The following ADGRA3 variants were observed in gnomAD, a reference collection of about 807,000 sequenced individuals.
ADGRA3 encodes the protein adhesion G protein-coupled receptor A3, also known as G-protein coupled receptor 125.
In ADGRA3, 56 loss-of-function variants were observed where a neutral mutation model predicts 119.8. The observed-to-expected ratio is 0.47, with a 90% CI of 0.38 to 0.58. The LOEUF (loss-of-function observed/expected upper bound fraction) is 0.58, where lower values mean the gene tolerates loss of function less well. Among genes scored for constraint, ADGRA3 ranks in the 20% least tolerant of loss-of-function variants. ADGRA3 has a pLI of 0.00. For missense variants in ADGRA3, 1,516 were observed against 1,649.0 expected (o/e 0.92, Z 1.40); for synonymous variants, 607 against 623.8 (o/e 0.97, Z 0.40).
chr4:22,499,570 T>C (rs757115175), intron 1 of ADGRA3, among the ~76,000 whole-genome samples: 10 of 152,176 alleles, frequency 6.6e-5, no homozygotes, highest in Admixed American at 1.3e-4. Flanking sequence ...TATGAATTCA[T>C]GTCACTTCAG....
At chr4:22,495,580 G>A (rs929321086) in intron 1 of ADGRA3, among the ~76,000 whole-genome samples, 1 of 152,038 alleles carries the variant, frequency 6.6e-6, no homozygotes, top group Non-Finnish European at 1.5e-5. Flanking sequence ...AGAAAGCAAA[G>A]TAATTGATCA....
intron 14 of ADGRA3, 146 bp from the exon 15 acceptor site, chr4:22,402,945 A>G: frequency 1.3e-6 from 1 of 748,812 alleles, no homozygotes; most frequent in East Asian, 2.8e-5. Context: ...GTTTCACGCT[A>G]TTTTCCTAAC....
intron 2 of ADGRA3, among the ~76,000 whole-genome samples, chr4:22,471,411 T>A (rs746115177): frequency 3.9e-5 from 6 of 152,084 alleles, no homozygotes; most frequent in Non-Finnish European, 8.8e-5. Context: ...CAAACCCTCA[T>A]GACACGTAAC....
intron 14 of ADGRA3, 87 bp downstream of exon 14, chr4:22,413,095 A>AAC: frequency 9.4e-7 from 1 of 1,069,172 alleles, no homozygotes. Flanking sequence ...AAAAAAACAA[A>AAC]AAACAAAAAA....
chr4:22,418,868 A>C (rs1263924514), intron 12 of ADGRA3, among the ~76,000 whole-genome samples: 2 of 152,138 alleles, frequency 1.3e-5, no homozygotes, highest in South Asian at 2.1e-4. Flanking sequence ...CCAACAGAAG[A>C]AGCAGGAGGG....
intron 14 of ADGRA3, among the ~76,000 whole-genome samples, chr4:22,405,101 G>C (rs1209244113): frequency 6.6e-6 from 1 of 152,174 alleles, no homozygotes; most frequent in African/African-American, 2.4e-5. Context: ...AGAAGGGGTA[G>C]AAGAAAGGTG....
chr4:22,414,385 G>A, intron 12 of ADGRA3: 1 of 449,992 alleles, frequency 2.2e-6, no homozygotes, highest in Non-Finnish European at 3.9e-6. Flanking sequence ...ATAACACATA[G>A]GAACAACTGA....
chr4:22,418,022 C>T (rs1715497241), intron 12 of ADGRA3, among the ~76,000 whole-genome samples: 1 of 152,182 alleles, frequency 6.6e-6, no homozygotes, highest in Admixed American at 6.5e-5. Context: ...GAACTCAAAA[C>T]ACCAGCTTAT....
At chr4:22,507,429 A>G (rs1560352511) in intron 1 of ADGRA3, among the ~76,000 whole-genome samples, 1 of 152,186 alleles carries the variant, frequency 6.6e-6, no homozygotes, top group Non-Finnish European at 1.5e-5. Flanking sequence ...GTCACTGAAT[A>G]GTCTTCTAAG....
chr4:22,398,656 G>A (rs1214280262), intron 16 of ADGRA3, among the ~76,000 whole-genome samples: 1 of 151,762 alleles, frequency 6.6e-6, no homozygotes, highest in African/African-American at 2.4e-5. Flanking sequence ...AAAACAAATG[G>A]TGAATGTTAA....
chr4:22,486,420 T>C (rs1344367023), intron 1 of ADGRA3, among the ~76,000 whole-genome samples: 2 of 152,124 alleles, frequency 1.3e-5, no homozygotes, highest in African/African-American at 2.4e-5. Context: ...CTACAACTCA[T>C]AGAAAAAGCT....
intron 2 of ADGRA3, among the ~76,000 whole-genome samples, chr4:22,470,485 T>C (rs1364580416): frequency 6.6e-6 from 1 of 152,168 alleles, no homozygotes; most frequent in African/African-American, 2.4e-5. Context: ...CACCTTACCC[T>C]ACAAAATCCT....
At chr4:22,479,096 T>C (rs971953750) in intron 1 of ADGRA3, among the ~76,000 whole-genome samples, 4 of 152,064 alleles carry the variant, frequency 2.6e-5, no homozygotes, top group Non-Finnish European at 4.4e-5. Context: ...AAGCTCATCA[T>C]CAATGGTCAT....
At chr4:22,477,525 A>C (rs990647460) in intron 1 of ADGRA3, 2 of 152,208 alleles carry the variant, frequency 1.3e-5, no homozygotes, top group Non-Finnish European at 2.9e-5. Flanking sequence ...ACAACGACCA[A>C]GCTCAGTGAC....
intron 3 of ADGRA3, among the ~76,000 whole-genome samples, chr4:22,461,379 T>C (rs1243008926): frequency 1.3e-5 from 2 of 152,244 alleles, no homozygotes; most frequent in African/African-American, 4.8e-5. Context: ...CAGCTCATTG[T>C]AGTCTCCCAT....
At chr4:22,459,832 T>A (rs1717378615) in intron 3 of ADGRA3, among the ~76,000 whole-genome samples, 1 of 152,190 alleles carries the variant, frequency 6.6e-6, no homozygotes, top group Non-Finnish European at 1.5e-5. Context: ...CTTATTGCTA[T>A]CAGGAATACT....
chr4:22,395,038 T>A (rs1714293407), intron 16 of ADGRA3, among the ~76,000 whole-genome samples: 1 of 152,190 alleles, frequency 6.6e-6, no homozygotes, highest in Admixed American at 6.5e-5. Context: ...TGCTATCACA[T>A]TTTCTTCCAA....
chr4:22,479,859 G>C (rs1159412727), intron 1 of ADGRA3, among the ~76,000 whole-genome samples: 1 of 152,134 alleles, frequency 6.6e-6, no homozygotes, highest in Admixed American at 6.5e-5. Flanking sequence ...CATGGATGAA[G>C]CTGGAAACCA....
intron 16 of ADGRA3, chr4:22,393,567 C>G (rs567114837): frequency 6.6e-6 from 1 of 152,200 alleles, no homozygotes; most frequent in South Asian, 2.1e-4. Flanking sequence ...CTCTTACCTG[C>G]TGGGTGATCT....
Sources: gnomAD v4.1 joint callset for allele counts (sites outside exome capture counted in the v4.1 genomes callset) on GRCh38, gnomAD v4.1.1 for gene constraint, MANE v1.5 for transcripts, NCBI Gene and HGNC (gene_info 2026-07-23, HGNC 2026-07-21) for gene names.